The following CD244 variants were observed in gnomAD, a reference collection of about 807,000 sequenced individuals.
CD244 encodes natural killer cell receptor 2B4.
Under a neutral mutation model 45.5 loss-of-function variants are expected in CD244, and 20 were observed. The ratio of observed to expected loss-of-function variants is 0.44; its 90% CI spans 0.31 to 0.64. The LOEUF (loss-of-function observed/expected upper bound fraction) is 0.64, where lower values mean the gene tolerates loss of function less well. CD244 is among the 30% of genes least tolerant of loss of function. CD244 has a pLI of 0.08. For synonymous variants in CD244, 185 were observed against 160.5 expected (o/e 1.15, Z -1.15); for missense variants, 407 against 426.9 (o/e 0.95, Z 0.41).
At chr1:160,848,044 T>C (rs12074019) in intron 1 of CD244, 4,889 of 328,046 alleles carry the variant, frequency 0.015, 159 homozygotes, top group African/African-American at 0.079. Context: ...ATATAGCAGT[T>C]GACCATGAAC....
At chr1:160,857,110 T>A (rs891142812) in intron 1 of CD244, among the ~76,000 whole-genome samples, 4 of 152,238 alleles carry the variant, frequency 2.6e-5, no homozygotes, top group Non-Finnish European at 4.4e-5. Context: ...AGAGCTGTAA[T>A]TCCCTTGCCT....
In CD244 at chr1:160,841,716, AT is replaced by A; in HGVS notation, c.246del (p.Arg82SerfsTer5). On this transcript the variant is annotated frameshift_variant, in exon 2 of 9. Coordinates refer to ENST00000368034, the MANE Select transcript of CD244 (RefSeq NM_016382.4). LOFTEE classifies it high-confidence loss of function. ...GSLPSNTSND[R>X]FSFIVKNLSL... is the part of the protein sequence containing the mutation. ...CTCAAGTTCTTGACTATAAAACTGA[AT>A]CTATCATTGGAAGTATTGGAAGGCA... 6.2e-7 allele frequency: 1 copy of A among 1,614,184 alleles called. No individual in the cohort carries two copies. The highest frequency in any genetic ancestry group is 8.5e-7 in the Non-Finnish European group (1 of 1,180,010).
rs140259516 is a variant in CD244, at chr1:160,831,906, A to G, written c.1018-479T>C. Among the ~76,000 whole-genome samples the G allele has an allele frequency of 3.1e-3, 472 of 152,324 alleles. 2 individuals carry two copies. Among genetic ancestry groups the G allele is most frequent in the Middle Eastern group, 0.014 (4 of 294 alleles). ...ATTTCTCTGAGTATAAATGGAAAGT[A>G]TAATTATACCTATCTTGTAGCATTC... On this transcript the variant is annotated intron_variant, in intron 8 of 8. Coordinates refer to ENST00000368034, the MANE Select transcript of CD244 (RefSeq NM_016382.4).
At chr1:160,848,196 A>G (rs1168346477) in intron 1 of CD244, 3 of 528,432 alleles carry the variant, frequency 5.7e-6, no homozygotes, top group Non-Finnish European at 1.1e-5. Context: ...TTTATGTGCC[A>G]GGATGTTGAC....
At chr1:160,835,405 C>G (rs1669299035) in intron 6 of CD244, among the ~76,000 whole-genome samples, 1 of 152,144 alleles carries the variant, frequency 6.6e-6, no homozygotes, top group Admixed American at 6.5e-5. Context: ...ATGTAGACCA[C>G]ATCTAAAGTA....
intron 1 of CD244, among the ~76,000 whole-genome samples, chr1:160,853,126 T>C (rs1199154898): frequency 2.0e-5 from 3 of 152,216 alleles, no homozygotes; most frequent in Non-Finnish European, 2.9e-5. Flanking sequence ...AACCCAAATG[T>C]CTATCACGAT....
In CD244 at chr1:160,841,254, C is replaced by T. The variant is rs375651874; in HGVS notation, c.611G>A (p.Ser204Asn). The T allele has an allele frequency of 1.4e-5, 22 of 1,614,220 alleles. No individual in the cohort carries two copies. The highest frequency in any genetic ancestry group is 1.9e-5 in the Non-Finnish European group (22 of 1,180,036). ...CNVSNPVSWE[S>N]HTLNLTQDCQ... ...GTCCTGAGTGAGATTCAGGGTGTGGCTTTCCCAGCTAACAGGATTGCTGAC... is the reference window on the plus strand; with the variant it reads ...GTCCTGAGTGAGATTCAGGGTGTGGTTTTCCCAGCTAACAGGATTGCTGAC... The change falls in exon 3 of 9, where the codon AGC becomes AAC. Residue 204 changes from serine to asparagine, a missense_variant. Ser to Asn is a conservative substitution (Grantham distance 46). Transcript: ENST00000368034.
In CD244 at chr1:160,831,244, C is replaced by T. The variant is rs1669102752; in HGVS notation, c.*103G>A. ...ACAAGAACAAATTTCCATATCCTCT[C>T]CAGACTAGGAACTGTTCTATAGAGA... On this transcript the variant is annotated 3_prime_UTR_variant, in exon 9 of 9. Transcript: ENST00000368034. 1 of 794,186 alleles carries T rather than the reference C, an allele frequency of 1.3e-6. No individual in the cohort carries two copies. Among genetic ancestry groups the T allele is most frequent in the Admixed American group, 2.2e-5 (1 of 44,834 alleles). The allele number at this position is 794,186 out of a possible 1,614,324, so 49.2% of individuals were successfully genotyped here.
intron 1 of CD244, among the ~76,000 whole-genome samples, chr1:160,852,302 C>T (rs1177002964): frequency 6.6e-6 from 1 of 152,270 alleles, no homozygotes; most frequent in Non-Finnish European, 1.5e-5. Context: ...GTAATCCCAG[C>T]ACTTTGGGAG....
At chr1:160,838,888 C>T in intron 4 of CD244, 51 bp downstream of exon 4, 3 of 1,248,972 alleles carry the variant, frequency 2.4e-6, no homozygotes, top group Non-Finnish European at 2.3e-6. Context: ...GACAAAGTCA[C>T]AGGATCCAAG....
rs374641198 is a variant in CD244 at position 160,841,501 on chromosome 1, C to T, written c.380-16G>A. 6.2e-7 allele frequency: 1 copy of T among 1,613,816 alleles called. No homozygotes were observed. The highest frequency in any genetic ancestry group is 2.2e-5 in the East Asian group (1 of 44,878). On this transcript the variant is annotated splice_polypyrimidine_tract_variant and intron_variant, in intron 2 of 8. Coordinates refer to ENST00000368034, the MANE Select transcript of CD244 (RefSeq NM_016382.4). ...TCAACTTTATCTGGAAGCAGAGATT[C>T]TGATCAGAAAGGCATTGGAAATACA...
In CD244 at chr1:160,842,408, A is replaced by T. The variant is rs111983688; in HGVS notation, c.62-507T>A. The stretch of plus-strand genomic sequence containing the variant: ...TGGGAGCACAGGTGCTAGGGAGCTT[A>T]TTTGTTTACTCTTTGTAAAGACAGC... On this transcript the variant is annotated intron_variant, in intron 1 of 8. Coordinates refer to ENST00000368034, the MANE Select transcript of CD244 (RefSeq NM_016382.4). 1.2e-3 allele frequency among the ~76,000 whole-genome samples: 188 copies of T among 152,092 alleles called. 4 individuals are homozygous for T. In the South Asian group the frequency reaches 0.027, roughly 22 times the overall value.
intron 1 of CD244, among the ~76,000 whole-genome samples, chr1:160,846,253 C>A (rs1669733860): frequency 6.6e-6 from 1 of 152,074 alleles, no homozygotes; most frequent in Non-Finnish European, 1.5e-5. Context: ...CATTCTTATG[C>A]CTTTGCATCC....
intron 1 of CD244, among the ~76,000 whole-genome samples, chr1:160,843,864 G>T (rs1309548253): frequency 2.0e-5 from 3 of 152,210 alleles, no homozygotes; most frequent in African/African-American, 7.2e-5. Context: ...GCAGCTAAAA[G>T]GCTGAGAAGC....
intron 1 of CD244, among the ~76,000 whole-genome samples, chr1:160,855,526 C>G (rs1349000592): frequency 6.6e-6 from 1 of 152,198 alleles, no homozygotes; most frequent in Non-Finnish European, 1.5e-5. Context: ...AGAAAGACCT[C>G]AGTTTCTGTC....
chr1:160,848,344 T>C, intron 1 of CD244: 1 of 590,768 alleles, frequency 1.7e-6, no homozygotes, highest in Non-Finnish European at 3.2e-6. Context: ...GTTCCCAGTT[T>C]TTCATCTACA....
intron 5 of CD244, 47 bp downstream of exon 5, chr1:160,838,404 A>G (rs751675293): frequency 7.2e-7 from 1 of 1,390,178 alleles, no homozygotes; most frequent in African/African-American, 1.4e-5. Context: ...TTGAAAGAGC[A>G]TTTTCCAAGC....
At chr1:160,833,221 A>C (rs1669200572) in intron 7 of CD244, among the ~76,000 whole-genome samples, 1 of 152,198 alleles carries the variant, frequency 6.6e-6, no homozygotes, top group Non-Finnish European at 1.5e-5. Context: ...AATTAAAAAC[A>C]AATCTCTCTC....
intron 8 of CD244, among the ~76,000 whole-genome samples, chr1:160,831,760 C>G (rs1669134558): frequency 6.6e-6 from 1 of 152,180 alleles, no homozygotes; most frequent in Non-Finnish European, 1.5e-5. Flanking sequence ...CAGCAGGCAG[C>G]CACCCATCCC....
Sources: gnomAD v4.1 joint callset for allele counts (sites outside exome capture counted in the v4.1 genomes callset) on GRCh38, gnomAD v4.1.1 for gene constraint, MANE v1.5 for transcripts, NCBI Gene and HGNC (gene_info 2026-07-23, HGNC 2026-07-21) for gene names.